Variants in CNGB1 observed in about 807,000 individuals in gnomAD.
CNGB1 encodes the protein cyclic nucleotide gated channel subunit beta 1.
Under a neutral mutation model 151.7 loss-of-function variants are expected in CNGB1, and 126 were observed. The observed-to-expected ratio is 0.83, with a 90% CI of 0.72 to 0.96. The LOEUF (loss-of-function observed/expected upper bound fraction) is 0.96, where lower values mean the gene tolerates loss of function less well. Among genes scored for constraint, CNGB1 ranks in the 40% least tolerant of loss-of-function variants. The pLI, the probability that CNGB1 is intolerant of heterozygous loss-of-function variation, is 0.00. For missense variants in CNGB1, 1,698 were observed against 1,627.0 expected, an observed-to-expected ratio of 1.04 and a Z score of -0.75; for synonymous variants, 623 against 635.1, an observed-to-expected ratio of 0.98 and a Z score of 0.29.
At chr16:57,912,662 G>T (rs774531960) in intron 24 of CNGB1, among the ~76,000 whole-genome samples, 22 of 151,256 alleles carry the variant, frequency 1.5e-4, no homozygotes, top group Non-Finnish European at 1.3e-4. Context: ...TGTGTTGTGT[G>T]TGTTTGTGTG....
intron 16 of CNGB1, among the ~76,000 whole-genome samples, chr16:57,934,267 C>T (rs1271061241): frequency 6.6e-6 from 1 of 151,964 alleles, no homozygotes; most frequent in Non-Finnish European, 1.5e-5. Context: ...AGCAACATAG[C>T]AAAACCCCAC....
intron 18 of CNGB1, among the ~76,000 whole-genome samples, chr16:57,921,323 G>A (rs1421376345): frequency 1.3e-5 from 2 of 148,264 alleles, no homozygotes; most frequent in African/African-American, 5.0e-5. Context: ...CTGGGTTCAA[G>A]CAATTCTCCT....
Position 57,884,309 on chromosome 16 carries a change from G to C in CNGB1, c.3611C>G (p.Ser1204Cys). 1 of 1,612,594 alleles carries C rather than the reference G, an allele frequency of 6.2e-7. No individual in the cohort carries two copies. The highest frequency in any genetic ancestry group is 8.5e-7 in the Non-Finnish European group (1 of 1,179,568). ...GSPPSSPPPA[S>C]LGRPEGEEEG... ...CTCCTCTCCCTCCGGCCTCCCAAGG[G>C]AGGCAGGCGGTGGAGAGCTCGGTGG... The change falls in exon 33 of 33, where the codon TCC (serine) becomes TGC (cysteine). Residue 1204 changes from serine to cysteine, a missense_variant. Ser to Cys is a moderately radical substitution (Grantham distance 112). Transcript: ENST00000251102.
chr16:57,910,475 A>G (rs1488258588), intron 25 of CNGB1, among the ~76,000 whole-genome samples: 2 of 152,182 alleles, frequency 1.3e-5, no homozygotes, highest in East Asian at 3.9e-4. Flanking sequence ...CCCGGGTTCA[A>G]GTGATTCTTG....
At chr16:57,919,743 A>G (rs1765193241) in intron 19 of CNGB1, among the ~76,000 whole-genome samples, 1 of 152,162 alleles carries the variant, frequency 6.6e-6, no homozygotes, top group Non-Finnish European at 1.5e-5. Context: ...ACCAGATGGG[A>G]TCACAGCCTC....
At chr16:57,891,742 A>G (rs1276457707) in intron 31 of CNGB1, among the ~76,000 whole-genome samples, 1 of 152,022 alleles carries the variant, frequency 6.6e-6, no homozygotes, top group Non-Finnish European at 1.5e-5. Context: ...TTTTTAGTAG[A>G]GATGGGGTTT....
chr16:57,884,144 G>A lies in CNGB1; in HGVS notation c.*20C>T, dbSNP rs1959834532. 1 of 1,613,912 alleles carries A rather than the reference G, an allele frequency of 6.2e-7. No homozygotes were observed. Among genetic ancestry groups the A allele is most frequent in the African/African-American group, 1.3e-5 (1 of 75,062 alleles). On this transcript the variant is annotated 3_prime_UTR_variant, in exon 33 of 33. Transcript: ENST00000251102. The stretch of plus-strand genomic sequence containing the variant: ...GGACACACCTGCTGGAACTGCGCGC[G>A]GGATCCGCCTCACCCCACCTTACTC...
At position 57,904,689 on chromosome 16, in the gene CNGB1, C is replaced by T. The variant is rs369945015; in HGVS notation, c.2634+45G>A. ...CATTTCTGGCAACAGTGGGAGGGGG[C>T]CCTGCAGTCAGGTGGGGTGGGAAGC... On this transcript the variant is annotated intron_variant, in intron 26 of 32. Transcript: ENST00000251102. 26 of 1,612,840 alleles carry T rather than the reference C, an allele frequency of 1.6e-5. No homozygotes were observed. The African/African-American group carries it at 3.3e-4, about 21-fold the overall frequency.
In CNGB1 at chr16:57,964,193, T is replaced by G; in HGVS notation, c.227A>C (p.Glu76Ala). 1 of 1,614,088 alleles carries G rather than the reference T, an allele frequency of 6.2e-7. No individual in the cohort carries two copies. Among genetic ancestry groups the G allele is most frequent in the Non-Finnish European group, 8.5e-7 (1 of 1,179,998 alleles). Residue 76 changes from glutamate to alanine, a missense_variant, in exon 4 of 33, where the codon GAG becomes GCG. Transcript: ENST00000251102. ...GGATATGGTGGAAGTAAGGGCAGCCTCCTTGGTCTCTGGAAAAGAATCTCT... is the reference window on the plus strand; with the variant it reads ...GGATATGGTGGAAGTAAGGGCAGCCGCCTTGGTCTCTGGAAAAGAATCTCT... Reference protein sequence around the residue: ...VADPSPQETKEAALTSTISLR... With the variant: ...VADPSPQETKAAALTSTISLR...
intron 29 of CNGB1, among the ~76,000 whole-genome samples, chr16:57,901,068 G>T (rs900730150): frequency 4.6e-5 from 7 of 152,022 alleles, no homozygotes; most frequent in Admixed American, 3.3e-4. Flanking sequence ...TTGGGGGGGG[G>T]GTCTTTGTCC....
In CNGB1 at chr16:57,933,754, G is replaced by C. The variant is rs112406213; in HGVS notation, c.1373-1876C>G. ...TTTTTTTTTTTTGAGATGGAGTCTC[G>C]CTCTGTCGCCTAGGCTGGAGTATAG... On this transcript the variant is annotated intron_variant, in intron 16 of 32. Coordinates refer to ENST00000251102, the MANE Select transcript of CNGB1 (RefSeq NM_001297.5). Among the ~76,000 whole-genome samples, 4 of 139,262 alleles carry C rather than the reference G, an allele frequency of 2.9e-5. No individual in the cohort carries two copies. In the South Asian group the frequency reaches 8.9e-4, roughly 31 times the overall value. The allele number at this position is 139,262 out of a possible 152,430, so 91.4% of individuals were successfully genotyped here.
At chr16:57,884,852 G>A (rs1385551570) in intron 32 of CNGB1, among the ~76,000 whole-genome samples, 1 of 152,060 alleles carries the variant, frequency 6.6e-6, no homozygotes, top group Non-Finnish European at 1.5e-5. Context: ...TGTTACCAGG[G>A]GTGGGCACTC....
At chr16:57,930,293 T>A (rs1961309968) in intron 17 of CNGB1, among the ~76,000 whole-genome samples, 1 of 152,106 alleles carries the variant, frequency 6.6e-6, no homozygotes, top group South Asian at 2.1e-4. Flanking sequence ...GCTCAGGAGT[T>A]TGAGACCAGC....
At chr16:57,944,487 T>C (rs1202058911) in intron 14 of CNGB1, among the ~76,000 whole-genome samples, 1 of 152,142 alleles carries the variant, frequency 6.6e-6, no homozygotes, top group Non-Finnish European at 1.5e-5. Flanking sequence ...CTCTAGTTAA[T>C]AGCAATGTAT....
rs745787278 is a variant in CNGB1, at chr16:57,884,154, T to C, written c.*10A>G. The C allele has an allele frequency of 6.2e-7, 1 of 1,613,944 alleles. No individual in the cohort carries two copies. The highest frequency in any genetic ancestry group is 1.1e-5 in the South Asian group (1 of 91,084). Reference sequence around the variant, plus strand: ...GCTGGAACTGCGCGCGGGATCCGCCTCACCCCACCTTACTCCGCCTTCTCC... The same window carrying C: ...GCTGGAACTGCGCGCGGGATCCGCCCCACCCCACCTTACTCCGCCTTCTCC... On this transcript the variant is annotated 3_prime_UTR_variant, in exon 33 of 33. Coordinates refer to ENST00000251102, the MANE Select transcript of CNGB1 (RefSeq NM_001297.5).
In CNGB1 at chr16:57,897,930, G is replaced by A; in HGVS notation, c.2977-16C>T. ...CGATCTCCCCCTGAAACAAAGAAGT[G>A]ACAAGTCCCTCTGTTCATCCCCCAA... On this transcript the variant is annotated splice_polypyrimidine_tract_variant and intron_variant, in intron 29 of 32. Transcript: ENST00000251102. The A allele has an allele frequency of 6.2e-7, 1 of 1,612,482 alleles. No homozygotes were observed. The highest frequency in any genetic ancestry group is 1.1e-5 in the South Asian group (1 of 91,054).
rs568040056 is a variant in CNGB1 at position 57,890,914 on chromosome 16, C to T, written c.3243-2840G>A. ...GCTGAGACCCCCATTCCCACGCCCCCCCATGTTGCTGTGAGGCCTGTTAGC... is the reference window on the plus strand; with the variant it reads ...GCTGAGACCCCCATTCCCACGCCCCTCCATGTTGCTGTGAGGCCTGTTAGC... On this transcript the variant is annotated intron_variant, in intron 31 of 32. Coordinates refer to ENST00000251102, the MANE Select transcript of CNGB1 (RefSeq NM_001297.5). Among the ~76,000 whole-genome samples, 70 of 152,370 alleles carry T rather than the reference C, an allele frequency of 4.6e-4. 1 individual carries two copies. In the South Asian group the frequency reaches 0.013, roughly 28 times the overall value.
chr16:57,940,391 C>A (rs763653474), intron 14 of CNGB1, 70 bp from the exon 15 acceptor site: 9 of 1,434,990 alleles, frequency 6.3e-6, no homozygotes, highest in Non-Finnish European at 8.6e-6. Flanking sequence ...CCCAGCCCTG[C>A]TGAGGGCCAC....
chr16:57,958,195 C>G (rs1962138583), intron 11 of CNGB1, among the ~76,000 whole-genome samples: 1 of 152,214 alleles, frequency 6.6e-6, no homozygotes, highest in African/African-American at 2.4e-5. Flanking sequence ...TCTGCTCCCC[C>G]ACGGAAGCAC....
Sources: gnomAD v4.1 joint callset for allele counts (sites outside exome capture counted in the v4.1 genomes callset) on GRCh38, gnomAD v4.1.1 for gene constraint, MANE v1.5 for transcripts, NCBI Gene and HGNC (gene_info 2026-07-23, HGNC 2026-07-21) for gene names.